The following COL27A1 variants were observed in gnomAD, a reference collection of about 807,000 sequenced individuals.
COL27A1 encodes collagen type XXVII alpha 1 chain.
Under a neutral mutation model 251.3 loss-of-function variants are expected in COL27A1, and 106 were observed. The ratio of observed to expected loss-of-function variants is 0.42; its 90% CI spans 0.36 to 0.50. The LOEUF (loss-of-function observed/expected upper bound fraction) is 0.50. COL27A1 is among the 20% of genes least tolerant of loss of function. The probability of loss-of-function intolerance (pLI) is 0.00; values close to 1 mark genes in which losing one functional copy is unlikely to be tolerated. For missense variants in COL27A1, 2,325 were observed against 2,522.8 expected, an observed-to-expected ratio of 0.92 and a Z score of 1.68; for synonymous variants, 1,000 against 986.3, an observed-to-expected ratio of 1.01 and a Z score of -0.26.
chr9:114,186,598 C>G (rs1828357844), intron 5 of COL27A1, among the ~76,000 whole-genome samples: 1 of 152,168 alleles, frequency 6.6e-6, no homozygotes, highest in African/African-American at 2.4e-5. Flanking sequence ...AAGGTTGAAC[C>G]AAGGTCTAAA....
chr9:114,266,700 C>A, intron 33 of COL27A1, 82 bp downstream of exon 33: 2 of 1,286,196 alleles, frequency 1.6e-6, no homozygotes, highest in Non-Finnish European at 2.3e-6. Context: ...CCAGGAGCCT[C>A]TTTCTGCCAT....
chr9:114,275,446 G>C (rs542038775), intron 36 of COL27A1, among the ~76,000 whole-genome samples: 2 of 152,112 alleles, frequency 1.3e-5, no homozygotes, highest in Non-Finnish European at 2.9e-5. Flanking sequence ...GAGCCTCTAC[G>C]TCTGGGATGC....
intron 5 of COL27A1, among the ~76,000 whole-genome samples, chr9:114,191,352 A>G (rs1039247492): frequency 6.6e-6 from 1 of 152,020 alleles, no homozygotes. Context: ...TGTTGCACCT[A>G]TCAACCCGTC....
chr9:114,266,481 C>A, intron 32 of COL27A1, 84 bp from the exon 33 acceptor site: 1 of 1,174,402 alleles, frequency 8.5e-7, no homozygotes, highest in South Asian at 1.3e-5. Flanking sequence ...TTCTGGGGGT[C>A]AGCTCCCTCA....
intron 16 of COL27A1, among the ~76,000 whole-genome samples, chr9:114,234,924 A>T (rs2135449357): frequency 1.3e-5 from 2 of 151,606 alleles, no homozygotes; most frequent in South Asian, 4.2e-4. Context: ...AAAAAAAAAA[A>T]AAAAATTAGC....
chr9:114,295,856 C>T (rs775318468), intron 49 of COL27A1, among the ~76,000 whole-genome samples: 5 of 152,136 alleles, frequency 3.3e-5, no homozygotes, highest in Non-Finnish European at 7.4e-5. Flanking sequence ...CTATGTTGGT[C>T]AGGCTGGTCT....
intron 50 of COL27A1, 103 bp from the exon 51 acceptor site, chr9:114,300,522 A>G: frequency 1.1e-6 from 1 of 904,904 alleles, no homozygotes; most frequent in Non-Finnish European, 1.6e-6. Flanking sequence ...GCCTCTCTTG[A>G]CAAGAAGGGC....
chr9:114,309,061 G>T (rs533947579), intron 59 of COL27A1, among the ~76,000 whole-genome samples, 199 bp from the exon 60 acceptor site: 2 of 152,102 alleles, frequency 1.3e-5, no homozygotes, highest in African/African-American at 4.8e-5. Context: ...TCCCACTTAC[G>T]CAGCCAAGAA....
chr9:114,252,519 C>T, intron 25 of COL27A1, 74 bp from the exon 26 acceptor site: 2 of 1,330,556 alleles, frequency 1.5e-6, no homozygotes, highest in Non-Finnish European at 2.2e-6. Context: ...CTGGATGGCC[C>T]TCTGCACCTG....
intron 1 of COL27A1, among the ~76,000 whole-genome samples, chr9:114,158,519 C>T (rs1049789452): frequency 2.6e-5 from 4 of 152,314 alleles, no homozygotes; most frequent in Non-Finnish European, 5.9e-5. Context: ...TTTCGGCTGC[C>T]TCCTGGCCTC....
intron 3 of COL27A1, among the ~76,000 whole-genome samples, chr9:114,174,534 C>A (rs1277136043): frequency 6.6e-6 from 1 of 152,170 alleles, no homozygotes; most frequent in Non-Finnish European, 1.5e-5. Flanking sequence ...TTCCTGGGGT[C>A]TCCCATTGGC....
Position 114,243,518 on chromosome 9 carries a change from C to G in COL27A1, c.2892C>G (p.Gly964=), listed in dbSNP as rs747879528. The change falls in exon 23 of 61, where the codon GGC becomes GGG. Residue 964 remains glycine, a synonymous_variant. Coordinates refer to ENST00000356083, the MANE Select transcript of COL27A1 (RefSeq NM_032888.4). The part of the protein sequence containing the change: ...PGAPGLEGQP[G]RKGFPGRPGL... ...TCTCTCTGTTGCAGGGTCAGCCTGGCAGGAAGGGGTTTCCTGGGAGGCCCG... is the reference window on the plus strand; with the variant it reads ...TCTCTCTGTTGCAGGGTCAGCCTGGGAGGAAGGGGTTTCCTGGGAGGCCCG... The G allele has an allele frequency of 2.0e-5, 32 of 1,613,760 alleles. No homozygotes were observed. Among genetic ancestry groups the G allele is most frequent in the Non-Finnish European group, 2.6e-5 (31 of 1,179,898 alleles).
intron 5 of COL27A1, among the ~76,000 whole-genome samples, chr9:114,186,586 G>A (rs1388168910): frequency 6.6e-6 from 1 of 152,230 alleles, no homozygotes; most frequent in East Asian, 1.9e-4. Context: ...TCAGAGGGCA[G>A]GAAGGTTGAA....
chr9:114,268,715 T>G (rs910909440), intron 34 of COL27A1: 1 of 152,248 alleles, frequency 6.6e-6, no homozygotes, highest in African/African-American at 2.4e-5. Context: ...AAGTCAGATA[T>G]GTTAATATAA....
At chr9:114,195,935 A>G (rs111255564) in intron 6 of COL27A1, 24 bp from the exon 7 acceptor site, 1 of 1,595,216 alleles carries the variant, frequency 6.3e-7, no homozygotes, top group Non-Finnish European at 8.6e-7. Context: ...TTCCTGCCTC[A>G]CCCACCTTGT....
Position 114,290,024 on chromosome 9 carries a change from G to T in COL27A1, c.4207-34G>T. 6.2e-7 allele frequency: 1 copy of T among 1,611,030 alleles called. No homozygotes were observed. Among genetic ancestry groups the T allele is most frequent in the African/African-American group, 1.3e-5 (1 of 74,926 alleles). Reference sequence around the variant, plus strand: ...CCCCTAGGGTCCCACACCTCTACCAGGCAGCCTCCATCATGTGGCCCTTGA... The same window carrying T: ...CCCCTAGGGTCCCACACCTCTACCATGCAGCCTCCATCATGTGGCCCTTGA... On this transcript the variant is annotated intron_variant, in intron 45 of 60. Coordinates refer to ENST00000356083, the MANE Select transcript of COL27A1 (RefSeq NM_032888.4). The surrounding 1 kb of genome is among the most constrained non-coding windows in gnomAD (Gnocchi z 4.6).
At chr9:114,196,250 T>A (rs528434003) in intron 7 of COL27A1, among the ~76,000 whole-genome samples, 190 of 152,302 alleles carry the variant, frequency 1.2e-3, no homozygotes, top group African/African-American at 4.4e-3. Context: ...GCATAGGAAG[T>A]ATCCTTGGTT....
At chr9:114,200,381 C>T (rs1829480514) in intron 7 of COL27A1, among the ~76,000 whole-genome samples, 1 of 152,226 alleles carries the variant, frequency 6.6e-6, no homozygotes, top group South Asian at 2.1e-4. Context: ...ACCTAATATG[C>T]ATTTAATGCC....
chr9:114,203,209 T>C (rs1283318315), intron 7 of COL27A1, among the ~76,000 whole-genome samples: 1 of 152,212 alleles, frequency 6.6e-6, no homozygotes, highest in African/African-American at 2.4e-5. Context: ...TCTGTCTCAT[T>C]CTTCCTGTGC....
Sources: allele counts gnomAD v4.1 joint callset (sites outside exome capture counted in the v4.1 genomes callset), GRCh38; gene constraint gnomAD v4.1.1; non-coding constraint Gnocchi (gnomAD v3.1); transcripts MANE v1.5; gene names NCBI Gene and HGNC (gene_info 2026-07-23, HGNC 2026-07-21).